Variants in CDCP1 observed in about 807,000 individuals in gnomAD.
The protein encoded by CDCP1 is CUB domain-containing protein 1.
A neutral mutation model predicts 60.2 loss-of-function variants in CDCP1; 29 were observed. The observed-to-expected ratio is 0.48, with a 90% CI of 0.36 to 0.66. The LOEUF (loss-of-function observed/expected upper bound fraction) is 0.66, where lower values mean the gene tolerates loss of function less well. Among genes scored for constraint, CDCP1 ranks in the 30% least tolerant of loss-of-function variants. CDCP1 has a pLI of 0.00. For missense variants in CDCP1, 876 were observed against 1,074.3 expected (o/e 0.82, Z 2.58); for synonymous variants, 387 against 431.1 (o/e 0.90, Z 1.27).
chr3:45,136,468 C>G lies in CDCP1; in HGVS notation c.82+9738G>C, dbSNP rs148045876. The stretch of plus-strand genomic sequence containing the variant: ...CCTCATTCCACTATATTCTGCTTTG[C>G]TCTTATAGGTGATCTCCAGTTATCC... On this transcript the variant is annotated intron_variant, in intron 1 of 8. Coordinates refer to ENST00000296129, the MANE Select transcript of CDCP1 (RefSeq NM_022842.5). 5.9e-5 allele frequency among the ~76,000 whole-genome samples: 9 copies of G among 152,318 alleles called. No individual in the cohort carries two copies. The East Asian group carries it at 1.7e-3, about 29-fold the overall frequency.
chr3:45,113,329 T>C (rs1322040255), intron 2 of CDCP1, among the ~76,000 whole-genome samples: 4 of 152,216 alleles, frequency 2.6e-5, no homozygotes, highest in Non-Finnish European at 5.9e-5. Flanking sequence ...TAACAGCTAA[T>C]AACATCCTTT....
chr3:45,133,873 A>G (rs375557234), intron 1 of CDCP1, among the ~76,000 whole-genome samples: 26 of 152,210 alleles, frequency 1.7e-4, no homozygotes, highest in African/African-American at 6.3e-4. Context: ...CAGGAAGAGC[A>G]TCTGCTCCTC....
intron 1 of CDCP1, among the ~76,000 whole-genome samples, chr3:45,138,633 G>A (rs550379385): frequency 1.1e-3 from 167 of 152,332 alleles, no homozygotes; most frequent in African/African-American, 3.8e-3. Context: ...TGGATCACCT[G>A]AGGTCAAGAG....
chr3:45,146,340 C>A lies in CDCP1; in HGVS notation c.-53G>T. 4 of 1,469,292 alleles carry A rather than the reference C, an allele frequency of 2.7e-6. No homozygotes were observed. The highest frequency in any genetic ancestry group is 1.5e-5 in the African/African-American group (1 of 67,860). 91.0% of individuals were successfully genotyped at this position (1,469,292 alleles called of 1,614,324 possible). On this transcript the variant is annotated 5_prime_UTR_variant, in exon 1 of 9. Transcript: ENST00000296129. Reference sequence around the variant, plus strand: ...GGAAAACGACGGTGGGGAGCGGCGGCCCCAGGCGCCCAAGCCCGGCGCAGC... The same window carrying A: ...GGAAAACGACGGTGGGGAGCGGCGGACCCAGGCGCCCAAGCCCGGCGCAGC...
At chr3:45,090,055 A>G (rs1698266130) in intron 7 of CDCP1, among the ~76,000 whole-genome samples, 1 of 152,248 alleles carries the variant, frequency 6.6e-6, no homozygotes, top group Non-Finnish European at 1.5e-5. Flanking sequence ...GAAAGAAATG[A>G]CAGAAAATGA....
intron 1 of CDCP1, among the ~76,000 whole-genome samples, chr3:45,133,672 C>T (rs377759169): frequency 8.1e-5 from 1 of 12,412 alleles, no homozygotes; most frequent in Non-Finnish European, 3.7e-4. Context: ...GAGCCGAGAT[C>T]GCGCCACTGC....
At chr3:45,105,516 G>A (rs551702574) in intron 4 of CDCP1, among the ~76,000 whole-genome samples, 4 of 152,216 alleles carry the variant, frequency 2.6e-5, no homozygotes, top group African/African-American at 7.2e-5. Context: ...TCTGCTTGTC[G>A]TATGTGACTC....
chr3:45,105,908 G>A (rs961509740), intron 4 of CDCP1, among the ~76,000 whole-genome samples: 2 of 152,166 alleles, frequency 1.3e-5, no homozygotes, highest in African/African-American at 4.8e-5. Context: ...TGTGGTAGAG[G>A]TGAACATGAA....
At position 45,088,934 on chromosome 3, in the gene CDCP1, T is replaced by A. The variant is rs965291702; in HGVS notation, c.2081+120A>T. On this transcript the variant is annotated intron_variant, in intron 8 of 8. Coordinates refer to ENST00000296129, the MANE Select transcript of CDCP1 (RefSeq NM_022842.5). ...TCACACCTGGCAATATTGTTTAACATTGATCTTTGGGGGAAAAAATGGGAA... is the reference window on the plus strand; with the variant it reads ...TCACACCTGGCAATATTGTTTAACAATGATCTTTGGGGGAAAAAATGGGAA... The A allele has an allele frequency of 1.1e-5, 9 of 822,824 alleles. No individual in the cohort carries two copies. The African/African-American group carries it at 1.4e-4, about 12-fold the overall frequency. The allele number at this position is 822,824 out of a possible 1,614,324, so 51.0% of individuals were successfully genotyped here.
At chr3:45,117,620 G>A (rs1306542556) in intron 2 of CDCP1, among the ~76,000 whole-genome samples, 1 of 144,038 alleles carries the variant, frequency 6.9e-6, no homozygotes, top group Non-Finnish European at 1.5e-5. Flanking sequence ...TTTTTGAGAC[G>A]TAGTCTCGCT....
At chr3:45,136,971 A>G (rs58868809) in intron 1 of CDCP1, among the ~76,000 whole-genome samples, 28,098 of 152,150 alleles carry the variant, frequency 0.18, 2,726 homozygotes, top group Middle Eastern at 0.31. Flanking sequence ...GAATTATACA[A>G]TTGATACTGG....
At position 45,134,403 on chromosome 3, in the gene CDCP1, C is replaced by T. The variant is rs144075875; in HGVS notation, c.82+11803G>A. 1.3e-3 allele frequency among the ~76,000 whole-genome samples: 197 copies of T among 152,126 alleles called. 1 individual carries two copies. The highest frequency in any genetic ancestry group is 1.0e-2 in the East Asian group (51 of 5,124). On this transcript the variant is annotated intron_variant, in intron 1 of 8. Transcript: ENST00000296129. ...CCTCCCAAAGTGCTGGGATTACAGG[C>T]GCGGGCCACCGCGCCCGGCCCAGAT...
At chr3:45,098,659 T>C (rs983290669) in intron 4 of CDCP1, among the ~76,000 whole-genome samples, 1 of 144,334 alleles carries the variant, frequency 6.9e-6, no homozygotes, top group Non-Finnish European at 1.5e-5. Flanking sequence ...ACACTTCCCA[T>C]TCCCATTCTC....
At chr3:45,133,364 A>C (rs1162483449) in intron 1 of CDCP1, among the ~76,000 whole-genome samples, 5 of 150,670 alleles carry the variant, frequency 3.3e-5, no homozygotes, top group African/African-American at 1.2e-4. Flanking sequence ...ACTGTGAGCT[A>C]ACAGGTGTTG....
At position 45,110,851 on chromosome 3, in the gene CDCP1, G is replaced by A. The variant is rs78586406; in HGVS notation, c.656-10C>T. The A allele has an allele frequency of 0.065, 104,712 of 1,601,302 alleles. 3,863 individuals are homozygous for A. Among genetic ancestry groups the A allele is most frequent in the Non-Finnish European group, 0.076 (88,743 of 1,171,276 alleles). On this transcript the variant is annotated splice_polypyrimidine_tract_variant and intron_variant, in intron 3 of 8. Transcript: ENST00000296129. ...TCGATGATGCACAGACCTAGTGGGA[G>A]TGGAACCCAAACCAGAAAGAATAGG...
chr3:45,110,864 C>T (rs200641987), intron 3 of CDCP1, 23 bp from the exon 4 acceptor site: 1 of 1,593,976 alleles, frequency 6.3e-7, no homozygotes, highest in Non-Finnish European at 8.6e-7. Context: ...GAACCCAAAC[C>T]AGAAAGAATA....
chr3:45,117,789 G>A (rs531490731), intron 2 of CDCP1, among the ~76,000 whole-genome samples: 14 of 152,108 alleles, frequency 9.2e-5, no homozygotes, highest in East Asian at 3.9e-4. Context: ...TAGAGACAGG[G>A]TTTCACCATG....
At chr3:45,092,304 T>C (rs945964116) in intron 6 of CDCP1, among the ~76,000 whole-genome samples, 1 of 152,236 alleles carries the variant, frequency 6.6e-6, no homozygotes, top group African/African-American at 2.4e-5. Flanking sequence ...ATTCATCTAT[T>C]GCCCTCTCCG....
intron 4 of CDCP1, among the ~76,000 whole-genome samples, chr3:45,099,151 C>CT (rs1266838590): frequency 7.0e-6 from 1 of 143,686 alleles, no homozygotes; most frequent in African/African-American, 2.6e-5. Flanking sequence ...TTTTTACTTT[C>CT]TTTTTAGGTG....
Sources: allele counts gnomAD v4.1 joint callset (sites outside exome capture counted in the v4.1 genomes callset), GRCh38; gene constraint gnomAD v4.1.1; transcripts MANE v1.5; gene names NCBI Gene and HGNC (gene_info 2026-07-23, HGNC 2026-07-21).